Variants in CHD1L observed in about 807,000 individuals in gnomAD.
The protein encoded by CHD1L is ATP-dependent chromatin remodeler CHD1L.
A neutral mutation model predicts 115.9 loss-of-function variants in CHD1L; 118 were observed. The observed-to-expected ratio is 1.02, with a 90% confidence interval of 0.88 to 1.19. The LOEUF is 1.19. Among genes scored for constraint, CHD1L ranks in the 50% most tolerant of loss-of-function variants. The pLI is 0.00. For missense variants in CHD1L, 1,179 were observed against 1,065.3 expected (o/e 1.11, Z -1.49); for synonymous variants, 411 against 387.1 (o/e 1.06, Z -0.72).
chr1:147,226,438 A>G, the CHD1L span, among the ~76,000 whole-genome samples: 5 of 152,240 alleles, frequency 3.3e-5, no homozygotes, highest in South Asian at 1.0e-3. Flanking sequence ...ACGAAATAAA[A>G]GTATTTTTAA....
chr1:147,215,028 G>A, the CHD1L span: 4 of 152,182 alleles, frequency 2.6e-5, no homozygotes, highest in African/African-American at 7.2e-5. Flanking sequence ...AGAAGGTTTG[G>A]GCTTTTTGCC....
chr1:147,221,771 T>C, the CHD1L span, among the ~76,000 whole-genome samples: 1 of 152,214 alleles, frequency 6.6e-6, no homozygotes, highest in Non-Finnish European at 1.5e-5. Flanking sequence ...GGTACTCCTA[T>C]ATTTCAACTC....
chr1:147,204,900 G>T, the CHD1L span: 1 of 1,580,286 alleles, frequency 6.3e-7, no homozygotes, highest in Non-Finnish European at 8.7e-7. Context: ...GCATCTGGGC[G>T]AAGCCCGGAG....
chr1:147,231,170 T>A, the CHD1L span, among the ~76,000 whole-genome samples: 1 of 152,202 alleles, frequency 6.6e-6, no homozygotes, highest in Admixed American at 6.5e-5. Flanking sequence ...CTCTACACAC[T>A]GCTTTCAGTG....
At position 147,295,758 on chromosome 1, in the gene CHD1L, C is replaced by T. The variant is rs189028206; in HGVS notation, c.*249C>T. The T allele has an allele frequency of 2.0e-6, 1 of 494,288 alleles. No homozygotes were observed. The highest frequency in any genetic ancestry group is 2.0e-5 in the African/African-American group (1 of 49,708). The allele number at this position is 494,288 out of a possible 1,614,324, so 30.6% of individuals were successfully genotyped here. A position where few individuals can be genotyped will look rare whatever the true frequency, so the allele number is the denominator to read the frequency against. ...GTTGCATAATAATAAATTTTCTGTTCCTAATGGTTTTATTGCTTTCTTTCC... is the reference window on the plus strand; with the variant it reads ...GTTGCATAATAATAAATTTTCTGTTTCTAATGGTTTTATTGCTTTCTTTCC... On this transcript the variant is annotated 3_prime_UTR_variant, in exon 23 of 23. Transcript: ENST00000369258.
rs1553967034 is a variant in CHD1L at position 147,287,645 on chromosome 1, C to T, written c.2232C>T (p.Gly744=). The change falls in exon 19 of 23, where the codon GGC becomes GGT. Residue 744 remains glycine, a synonymous_variant. Coordinates refer to ENST00000369258, the MANE Select transcript of CHD1L (RefSeq NM_004284.6). ...TCTTTCTTCAAACAGATGACTCTGG[C>T]CACTGGGGCAGAGGTGGTTTATTTA... ...ALIVHCVDDS[G]HWGRGGLFTA... 6 of 1,613,546 alleles carry T rather than the reference C, an allele frequency of 3.7e-6. No homozygotes were observed. In the African/African-American group the frequency reaches 5.3e-5, roughly 14 times the overall value.
intron 18 of CHD1L, among the ~76,000 whole-genome samples, chr1:147,286,974 T>TCC (rs34300881): frequency 2.9e-5 from 3 of 101,758 alleles, no homozygotes; most frequent in Non-Finnish European, 5.5e-5. Flanking sequence ...ACAGGCCCCA[T>TCC]CCCCCCTGTT....
At chr1:147,219,365 G>A in the CHD1L span, among the ~76,000 whole-genome samples, 2 of 151,928 alleles carry the variant, frequency 1.3e-5, no homozygotes, top group Non-Finnish European at 2.9e-5. Context: ...AAAACCAGTC[G>A]ACTTATTAAG....
the CHD1L span, chr1:147,213,181 C>A: frequency 1.3e-6 from 1 of 799,160 alleles, no homozygotes; most frequent in South Asian, 4.2e-5. Flanking sequence ...TTCTGGGGAA[C>A]AAGAATAATT....
At chr1:147,243,837 A>C (rs1265824324) in intron 1 of CHD1L, among the ~76,000 whole-genome samples, 2 of 152,222 alleles carry the variant, frequency 1.3e-5, no homozygotes, top group African/African-American at 4.8e-5. Context: ...AAAAGTATAA[A>C]CTAATTTATT....
the CHD1L span, among the ~76,000 whole-genome samples, chr1:147,214,495 T>G: frequency 7.3e-5 from 11 of 150,604 alleles, no homozygotes; most frequent in Admixed American, 4.6e-4. Flanking sequence ...AAACCACCCC[T>G]GCATGCACTA....
At chr1:147,288,699 A>G (rs1403995278) in intron 19 of CHD1L, among the ~76,000 whole-genome samples, 1 of 152,118 alleles carries the variant, frequency 6.6e-6, no homozygotes, top group Non-Finnish European at 1.5e-5. Context: ...CCTATGGGAG[A>G]GAAATTGGAC....
intron 20 of CHD1L, among the ~76,000 whole-genome samples, chr1:147,292,728 G>C (rs1194651543): frequency 6.6e-6 from 1 of 152,206 alleles, no homozygotes; most frequent in East Asian, 1.9e-4. Flanking sequence ...ACAAGAGAGA[G>C]TGGGGGAAGG....
chr1:147,293,456 T>C (rs914519175), intron 20 of CHD1L, 152 bp from the exon 21 acceptor site: 15 of 656,518 alleles, frequency 2.3e-5, no homozygotes, highest in Admixed American at 7.4e-5. Flanking sequence ...GTCATACATA[T>C]AGTAGGACAT....
At chr1:147,279,911 C>T in intron 14 of CHD1L, 115 bp from the exon 15 acceptor site, 1 of 1,026,420 alleles carries the variant, frequency 9.7e-7, no homozygotes, top group East Asian at 2.6e-5. Context: ...GAAAGGCTGC[C>T]TGTTCATTAG....
At chr1:147,278,665 A>C (rs1679610659) in intron 14 of CHD1L, among the ~76,000 whole-genome samples, 1 of 152,126 alleles carries the variant, frequency 6.6e-6, no homozygotes, top group South Asian at 2.1e-4. Context: ...CACAGTAGAA[A>C]CAGGCAGGCA....
chr1:147,204,956 A>G, the CHD1L span: 4 of 1,421,652 alleles, frequency 2.8e-6, no homozygotes, highest in Admixed American at 6.7e-5. Context: ...GAAGCCGTTC[A>G]CGTGACCGCT....
chr1:147,268,156 C>T (rs943106075), intron 9 of CHD1L, among the ~76,000 whole-genome samples: 5 of 152,194 alleles, frequency 3.3e-5, no homozygotes, highest in African/African-American at 1.2e-4. Flanking sequence ...TCCCCTTCAT[C>T]ATACAGACCT....
At position 147,265,913 on chromosome 1, in the gene CHD1L, A is replaced by ATTTTTTTTT; in HGVS notation, c.740-18_740-10dup. 1 of 1,564,050 alleles carries ATTTTTTTTT rather than the reference A, an allele frequency of 6.4e-7. No homozygotes were observed. Among genetic ancestry groups the ATTTTTTTTT allele is most frequent in the Non-Finnish European group, 8.7e-7 (1 of 1,149,758 alleles). On this transcript the variant is annotated intron_variant, in intron 7 of 22. Transcript: ENST00000369258. ...TCTACTTTTGTCCCACACTTCTTGT[A>ATTTTTTTTT]TTTTTTTTTCTTATGTAGCAAGTGA...
Sources: allele counts gnomAD v4.1 joint callset (sites outside exome capture counted in the v4.1 genomes callset), GRCh38; gene constraint gnomAD v4.1.1; transcripts MANE v1.5; gene names NCBI Gene and HGNC (gene_info 2026-07-23, HGNC 2026-07-21).